The following ARHGAP39 variants were observed in gnomAD, a reference collection of about 807,000 sequenced individuals.
The protein encoded by ARHGAP39 is rho GTPase-activating protein 39.
A neutral mutation model predicts 106.9 loss-of-function variants in ARHGAP39; 44 were observed. The ratio of observed to expected loss-of-function variants is 0.41; its 90% confidence interval spans 0.32 to 0.53. The LOEUF (loss-of-function observed/expected upper bound fraction) is 0.53, where lower values mean the gene tolerates loss of function less well. Among genes scored for constraint, ARHGAP39 ranks in the 20% least tolerant of loss-of-function variants. The pLI is 0.21. For synonymous variants in ARHGAP39, 768 were observed against 693.2 expected (o/e 1.11, Z -1.69); for missense variants, 1,496 against 1,577.3 (o/e 0.95, Z 0.87).
At chr8:144,597,823 C>A (rs913363697) in intron 2 of ARHGAP39, among the ~76,000 whole-genome samples, 2 of 152,128 alleles carry the variant, frequency 1.3e-5, no homozygotes, top group Non-Finnish European at 2.9e-5. Flanking sequence ...CAAAAGCCAC[C>A]AGCACTGACA....
chr8:144,587,496 T>G (rs1819224119), intron 2 of ARHGAP39, among the ~76,000 whole-genome samples: 1 of 152,138 alleles, frequency 6.6e-6, no homozygotes, highest in Non-Finnish European at 1.5e-5. Context: ...TTATACAGGT[T>G]TAAGAAGAAA....
chr8:144,559,371 A>C (rs887615981), intron 3 of ARHGAP39, among the ~76,000 whole-genome samples: 3 of 151,022 alleles, frequency 2.0e-5, no homozygotes, highest in African/African-American at 7.3e-5. Context: ...AAAAAAAAAA[A>C]AAAAAAAAAA....
At chr8:144,614,353 T>A (rs1820576811) in intron 1 of ARHGAP39, among the ~76,000 whole-genome samples, 2 of 148,750 alleles carry the variant, frequency 1.3e-5, no homozygotes, top group Non-Finnish European at 3.0e-5. Context: ...TTCCTGTTAC[T>A]ATTTTTTTTT....
intron 1 of ARHGAP39, among the ~76,000 whole-genome samples, chr8:144,675,502 T>C (rs1381496605): frequency 6.6e-6 from 1 of 151,934 alleles, no homozygotes. Context: ...CCTTCGTGGT[T>C]AGTGTTACAG....
At chr8:144,576,407 A>G (rs1586570487) in intron 3 of ARHGAP39, among the ~76,000 whole-genome samples, 3 of 151,848 alleles carry the variant, frequency 2.0e-5, no homozygotes, top group African/African-American at 4.8e-5. Flanking sequence ...CCTGGCCCCA[A>G]TAGCCCCACA....
At chr8:144,686,440 A>C (rs1174413829), upstream of ARHGAP39, among the ~76,000 whole-genome samples, 1 of 152,180 alleles carries the variant, frequency 6.6e-6, no homozygotes, top group African/African-American at 2.4e-5. Context: ...GTTTCTGGAA[A>C]TTGAATCTGA....
At chr8:144,603,622 G>A (rs1295043213) in intron 2 of ARHGAP39, among the ~76,000 whole-genome samples, 2 of 151,256 alleles carry the variant, frequency 1.3e-5, no homozygotes, top group Non-Finnish European at 2.9e-5. Flanking sequence ...CCCGGGAGGC[G>A]GAGCTTGCAT....
rs144376267 is a variant in ARHGAP39, at chr8:144,602,888, TGA to T, written c.80+2645_80+2646del. On this transcript the variant is annotated intron_variant, in intron 2 of 11. Transcript: ENST00000377307. ...CCTGTGTGCATGTGTGTGGTGTGTG[TGA>T]GAGCTCATGTACCTGTGTGTGTGTG... Among the ~76,000 whole-genome samples, 101 of 121,394 alleles carry T rather than the reference TGA, an allele frequency of 8.3e-4. 2 individuals carry two copies. The East Asian group carries it at 0.015, about 17-fold the overall frequency. The allele number at this position is 121,394 out of a possible 152,430, so 79.6% of individuals were successfully genotyped here.
At chr8:144,540,746 G>A (rs1817155495) in intron 6 of ARHGAP39, among the ~76,000 whole-genome samples, 1 of 152,182 alleles carries the variant, frequency 6.6e-6, no homozygotes, top group African/African-American at 2.4e-5. Context: ...GCTACAGTGA[G>A]CAGTGACGTC....
chr8:144,587,071 C>CT (rs1370735442), intron 2 of ARHGAP39, among the ~76,000 whole-genome samples: 1 of 152,244 alleles, frequency 6.6e-6, no homozygotes, highest in African/African-American at 2.4e-5. Flanking sequence ...TCTCATTCTT[C>CT]TGTCTCCTGC....
At chr8:144,635,319 G>T (rs1430835394) in intron 1 of ARHGAP39, among the ~76,000 whole-genome samples, 4 of 152,180 alleles carry the variant, frequency 2.6e-5, no homozygotes, top group Non-Finnish European at 5.9e-5. Flanking sequence ...TCATGCCTAT[G>T]TAATGACGCT....
intron 3 of ARHGAP39, among the ~76,000 whole-genome samples, chr8:144,576,401 G>A (rs1445499957): frequency 6.6e-6 from 1 of 150,436 alleles, no homozygotes; most frequent in African/African-American, 2.4e-5. Flanking sequence ...GGAAGTCCTG[G>A]CCCCAATAGC....
chr8:144,686,950 C>A (rs1822610539), upstream of ARHGAP39, among the ~76,000 whole-genome samples: 1 of 52,430 alleles, frequency 1.9e-5, no homozygotes, highest in Non-Finnish European at 4.3e-5. Flanking sequence ...ACCCCTGTGA[C>A]CACGCACTGG....
At position 144,620,180 on chromosome 8, in the gene ARHGAP39, TGA is replaced by T. The variant is rs1448516192; in HGVS notation, c.-81-14487_-81-14486del. Among the ~76,000 whole-genome samples, 9 of 145,698 alleles carry T rather than the reference TGA, an allele frequency of 6.2e-5. No homozygotes were observed. The South Asian group carries it at 6.8e-4, about 11-fold the overall frequency. Reference sequence around the variant, plus strand: ...GTGCCCATGTGAGCTTGTGTGTCCCTGAGAGAGCGTGTGTGCCCGTGTGTGAG... The same window carrying T: ...GTGCCCATGTGAGCTTGTGTGTCCCTGAGAGCGTGTGTGCCCGTGTGTGAG... On this transcript the variant is annotated intron_variant, in intron 1 of 11. Coordinates refer to ENST00000377307, the MANE Select transcript of ARHGAP39 (RefSeq NM_025251.3).
chr8:144,598,736 G>A (rs1453999219), intron 2 of ARHGAP39, among the ~76,000 whole-genome samples: 1 of 152,212 alleles, frequency 6.6e-6, no homozygotes, highest in African/African-American at 2.4e-5. Context: ...CACCTGGATG[G>A]AGGTGACTAA....
chr8:144,536,293 C>T (rs935201477), intron 7 of ARHGAP39, among the ~76,000 whole-genome samples: 9 of 152,112 alleles, frequency 5.9e-5, no homozygotes, highest in African/African-American at 1.7e-4. Flanking sequence ...AGGCCTGCCC[C>T]GGGGACCTTA....
At chr8:144,681,110 G>A (rs570989032) in intron 1 of ARHGAP39, among the ~76,000 whole-genome samples, 1 of 152,136 alleles carries the variant, frequency 6.6e-6, no homozygotes, top group African/African-American at 2.4e-5. Flanking sequence ...TGTGGCCAGG[G>A]TATGGAAGTC....
intron 3 of ARHGAP39, among the ~76,000 whole-genome samples, chr8:144,576,997 G>A (rs1242034511): frequency 6.6e-6 from 1 of 152,178 alleles, no homozygotes; most frequent in Admixed American, 6.5e-5. Flanking sequence ...TAAACCAGAT[G>A]CTGCAGTCAC....
intron 1 of ARHGAP39, among the ~76,000 whole-genome samples, chr8:144,673,404 CATT>C (rs1413647612): frequency 1.3e-5 from 2 of 152,172 alleles, no homozygotes; most frequent in African/African-American, 4.8e-5. Flanking sequence ...ATAGAATTCA[CATT>C]ACATACAATT....
Sources: gnomAD v4.1 joint callset for allele counts (sites outside exome capture counted in the v4.1 genomes callset) on GRCh38, gnomAD v4.1.1 for gene constraint, MANE v1.5 for transcripts, NCBI Gene and HGNC (gene_info 2026-07-23, HGNC 2026-07-21) for gene names.